ESRRG: variants seen among roughly 807,000 people sequenced by gnomAD.
ESRRG encodes estrogen related receptor gamma, also known as estrogen-related receptor gamma.
A neutral mutation model predicts 44.0 loss-of-function variants in ESRRG; 13 were observed. The ratio of observed to expected loss-of-function variants is 0.30; its 90% confidence interval spans 0.19 to 0.47. The LOEUF (loss-of-function observed/expected upper bound fraction) is 0.47, where lower values mean the gene tolerates loss of function less well. ESRRG is among the 20% of genes least tolerant of loss of function. The pLI, the probability that ESRRG is intolerant of heterozygous loss-of-function variation, is 1.00. For synonymous variants in ESRRG, 215 were observed against 214.6 expected, an observed-to-expected ratio of 1.00 and a Z score of -0.02; for missense variants, 395 against 580.6, an observed-to-expected ratio of 0.68 and a Z score of 3.29.
chr1:216,866,648 G>A (rs962893507), intron 2 of ESRRG, among the ~76,000 whole-genome samples: 3 of 150,954 alleles, frequency 2.0e-5, no homozygotes, highest in Non-Finnish European at 2.9e-5. Context: ...TCAGCTCATT[G>A]CAGTCTTGAC....
At chr1:216,594,738 G>C (rs1050531694) in intron 3 of ESRRG, among the ~76,000 whole-genome samples, 2 of 152,158 alleles carry the variant, frequency 1.3e-5, no homozygotes, top group African/African-American at 4.8e-5. Flanking sequence ...TTAGGATTTA[G>C]AAAGACAGCA....
chr1:216,977,253 G>A lies in ESRRG; in HGVS notation c.-105-37580C>T, dbSNP rs116438494. Among the ~76,000 whole-genome samples the A allele has an allele frequency of 2.1e-3, 313 of 151,704 alleles. 2 individuals carry two copies. Among genetic ancestry groups the A allele is most frequent in the African/African-American group, 7.2e-3 (298 of 41,320 alleles). On this transcript the variant is annotated intron_variant, in intron 1 of 7. Transcript: ENST00000359162. Reference sequence around the variant, plus strand: ...GGACCTATCTGTCAAGCTCTTAAGAGTCAAGTTTTAATGCAACCTAATGGT... The same window carrying A: ...GGACCTATCTGTCAAGCTCTTAAGAATCAAGTTTTAATGCAACCTAATGGT...
chr1:216,868,764 G>C (rs1035505865), intron 2 of ESRRG, among the ~76,000 whole-genome samples: 2 of 152,164 alleles, frequency 1.3e-5, no homozygotes, highest in African/African-American at 4.8e-5. Flanking sequence ...AGCCATTCTA[G>C]TGATATGCAA....
At chr1:217,093,573 A>C (rs572049789), upstream of ESRRG, among the ~76,000 whole-genome samples, 2 of 152,242 alleles carry the variant, frequency 1.3e-5, no homozygotes, top group African/African-American at 4.8e-5. Context: ...GCTTCAACCC[A>C]GGATTTTGAG....
At chr1:217,001,911 T>C (rs1392420482) in intron 1 of ESRRG, among the ~76,000 whole-genome samples, 3 of 152,144 alleles carry the variant, frequency 2.0e-5, no homozygotes, top group Non-Finnish European at 4.4e-5. Flanking sequence ...CAAGAATTGA[T>C]AGCTTAAGCC....
At chr1:216,508,438 A>T (rs1053132717) in intron 6 of ESRRG, among the ~76,000 whole-genome samples, 1 of 152,220 alleles carries the variant, frequency 6.6e-6, no homozygotes, top group Non-Finnish European at 1.5e-5. Flanking sequence ...AAAGTTGCTT[A>T]TAAGTATTTA....
chr1:216,572,758 T>C (rs908995790), intron 3 of ESRRG, among the ~76,000 whole-genome samples: 1 of 151,986 alleles, frequency 6.6e-6, no homozygotes, highest in Non-Finnish European at 1.5e-5. Context: ...AATTTTATAG[T>C]GATAAAAGGT....
chr1:216,552,601 C>T (rs2056650956), intron 5 of ESRRG, among the ~76,000 whole-genome samples: 1 of 152,108 alleles, frequency 6.6e-6, no homozygotes, highest in South Asian at 2.1e-4. Context: ...TATATATGGG[C>T]ATACTGAGTT....
At chr1:216,716,698 T>C (rs2152024921) in intron 1 of ESRRG, among the ~76,000 whole-genome samples, 1 of 152,068 alleles carries the variant, frequency 6.6e-6, no homozygotes, top group African/African-American at 2.4e-5. Context: ...TTTTCAGTTC[T>C]TCTTTTAGAA....
intron 5 of ESRRG, among the ~76,000 whole-genome samples, chr1:216,536,383 T>C (rs914931762): frequency 6.6e-6 from 1 of 152,132 alleles, no homozygotes; most frequent in Non-Finnish European, 1.5e-5. Context: ...CAACACAGAG[T>C]TGAAATTTGG....
At chr1:216,741,339 T>C (rs2090694022) in intron 2 of ESRRG, among the ~76,000 whole-genome samples, 1 of 144,816 alleles carries the variant, frequency 6.9e-6, no homozygotes. Flanking sequence ...TAATTATTTC[T>C]TTATACCTGT....
In ESRRG at chr1:216,932,534, T is replaced by G. The variant is rs554515906; in HGVS notation, c.-14+7048A>C. On this transcript the variant is annotated intron_variant, in intron 2 of 7. Coordinates refer to the ESRRG transcript ENST00000359162. ...CGTCCTCGCACAATTTTGGTAGGGG[T>G]GTGTGTGTGTGTTTGTGTGTATGTG... 1.0e-3 allele frequency among the ~76,000 whole-genome samples: 153 copies of G among 150,960 alleles called. 1 individual carries two copies. Among genetic ancestry groups the G allele is most frequent in the African/African-American group, 3.5e-3 (146 of 41,182 alleles).
At chr1:216,992,491 A>G (rs2075859300) in intron 1 of ESRRG, among the ~76,000 whole-genome samples, 1 of 152,174 alleles carries the variant, frequency 6.6e-6, no homozygotes, top group African/African-American at 2.4e-5. Flanking sequence ...TTTGTTCCTC[A>G]GTACCCAGCA....
intron 3 of ESRRG, among the ~76,000 whole-genome samples, chr1:216,648,835 C>G (rs945777475): frequency 6.6e-6 from 1 of 151,922 alleles, no homozygotes; most frequent in Admixed American, 6.6e-5. Flanking sequence ...ATAATGATTC[C>G]TCAACTTTCA....
chr1:216,529,005 G>A (rs552455760), intron 5 of ESRRG, among the ~76,000 whole-genome samples: 2 of 152,200 alleles, frequency 1.3e-5, no homozygotes, highest in East Asian at 1.9e-4. Context: ...TGTCTGTTAT[G>A]TCCTTTCACT....
In ESRRG at chr1:216,526,748, G is replaced by A. The variant is rs556510714; in HGVS notation, c.863-7327C>T. ...AGTTTCTAATTCAGAATAACAAACCGAGCTAATCATGAAGCACAAGGCTGT... is the reference window on the plus strand; with the variant it reads ...AGTTTCTAATTCAGAATAACAAACCAAGCTAATCATGAAGCACAAGGCTGT... On this transcript the variant is annotated intron_variant, in intron 5 of 6. Coordinates refer to ENST00000408911, the MANE Select transcript of ESRRG (RefSeq NM_001438.4). Among the ~76,000 whole-genome samples, 30 of 152,226 alleles carry A rather than the reference G, an allele frequency of 2.0e-4. No individual in the cohort carries two copies. The South Asian group carries it at 5.0e-3, about 25-fold the overall frequency.
At chr1:216,563,670 C>T (rs920900297) in intron 5 of ESRRG, among the ~76,000 whole-genome samples, 4 of 152,084 alleles carry the variant, frequency 2.6e-5, no homozygotes, top group Non-Finnish European at 4.4e-5. Context: ...TTTTTAAATG[C>T]TAACTTTAAA....
In ESRRG at chr1:217,088,982, A is replaced by T. The variant is rs189101294; in HGVS notation, c.-106+525T>A. On this transcript the variant is annotated intron_variant, in intron 1 of 7. Coordinates refer to the ESRRG transcript ENST00000359162. ...TGAAAGGGTTGGGGAGAGAGAAGGG[A>T]GGGAAAGCAGCGTAGAGGACAGGAG... 4.5e-4 allele frequency among the ~76,000 whole-genome samples: 69 copies of T among 152,148 alleles called. 1 individual carries two copies. The East Asian group carries it at 8.9e-3, about 20-fold the overall frequency.
intron 1 of ESRRG, among the ~76,000 whole-genome samples, chr1:217,118,733 T>C (rs565747328): frequency 2.6e-5 from 4 of 152,298 alleles, no homozygotes; most frequent in African/African-American, 7.2e-5. Flanking sequence ...AGCTCTCGCC[T>C]GTAATCTCAG....
Sources: allele counts gnomAD v4.1 joint callset (sites outside exome capture counted in the v4.1 genomes callset), GRCh38; gene constraint gnomAD v4.1.1; transcripts MANE v1.5; gene names NCBI Gene and HGNC (gene_info 2026-07-23, HGNC 2026-07-21).